ARHGAP44: variants seen among roughly 807,000 people sequenced by gnomAD.
The protein encoded by ARHGAP44 is Rho GTPase activating protein 44, also known as rho GTPase-activating protein 44.
ARHGAP44 carries 43 observed loss-of-function variants against 106.8 expected under a neutral mutation model. That is an observed-to-expected ratio of 0.40 (90% CI 0.32 to 0.52). ARHGAP44 has a LOEUF of 0.52. Among genes scored for constraint, ARHGAP44 ranks in the 20% least tolerant of loss-of-function variants. The probability of loss-of-function intolerance (pLI) is 0.48; values close to 1 mark genes in which losing one functional copy is unlikely to be tolerated. For synonymous variants in ARHGAP44, 439 were observed against 410.3 expected, an observed-to-expected ratio of 1.07 and a Z score of -0.85; for missense variants, 866 against 1,050.5, an observed-to-expected ratio of 0.82 and a Z score of 2.43.
At chr17:12,917,761 A>G (rs888007870) in intron 5 of ARHGAP44, among the ~76,000 whole-genome samples, 1 of 152,116 alleles carries the variant, frequency 6.6e-6, no homozygotes, top group Non-Finnish European at 1.5e-5. Context: ...CACTGCCCTT[A>G]AGTGGTTTTT....
intron 12 of ARHGAP44, among the ~76,000 whole-genome samples, chr17:12,950,164 T>C (rs2038958665): frequency 6.6e-6 from 1 of 152,114 alleles, no homozygotes; most frequent in Non-Finnish European, 1.5e-5. Context: ...CCTATATTTG[T>C]GTGTAAGTGT....
intron 1 of ARHGAP44, among the ~76,000 whole-genome samples, chr17:12,807,773 A>G (rs2034320726): frequency 6.6e-6 from 1 of 152,128 alleles, no homozygotes; most frequent in Non-Finnish European, 1.5e-5. Context: ...ATGTCCTCAC[A>G]TTTCAAAACC....
chr17:12,980,088 C>T lies in ARHGAP44; in HGVS notation c.1794C>T (p.Gly598=), dbSNP rs2039793251. 5 of 1,612,712 alleles carry T rather than the reference C, an allele frequency of 3.1e-6. No homozygotes were observed. Among genetic ancestry groups the T allele is most frequent in the Middle Eastern group, 1.7e-4 (1 of 6,058 alleles). The change falls in exon 19 of 21, where the codon GGC becomes GGT. Residue 598 remains glycine (G), a synonymous_variant. Coordinates refer to ENST00000379672, the MANE Select transcript of ARHGAP44 (RefSeq NM_014859.6). The part of the protein sequence containing the change: ...STTKSKELSP[G]SAQKGSPGSS... ...CAAAAAGCAAGGAACTTTCTCCAGG[C>T]TCTGCACAGAAAGGAAGTCCAGGCT...
At chr17:12,977,207 T>C (rs2039705629) in intron 18 of ARHGAP44, among the ~76,000 whole-genome samples, 1 of 152,148 alleles carries the variant, frequency 6.6e-6, no homozygotes, top group Non-Finnish European at 1.5e-5. Context: ...TAACTTTTCT[T>C]TGGATGTTAG....
intron 10 of ARHGAP44, among the ~76,000 whole-genome samples, chr17:12,945,319 C>T (rs1176037368): frequency 6.6e-6 from 1 of 152,176 alleles, no homozygotes; most frequent in South Asian, 2.1e-4. Flanking sequence ...CCAAGAAGTT[C>T]TTGATAAGTG....
At chr17:12,823,399 G>T (rs1418844051) in intron 1 of ARHGAP44, among the ~76,000 whole-genome samples, 1 of 152,082 alleles carries the variant, frequency 6.6e-6, no homozygotes, top group Non-Finnish European at 1.5e-5. Flanking sequence ...AACTTCTCCA[G>T]TCCTTTCTCT....
rs114137537 is a variant in ARHGAP44, at chr17:12,915,392, A to G, written c.276-508A>G. ...ATCTGGGAAGATGGCATGACTTTCT[A>G]CTCATTCAGGTCTTCTGTCGTTTGC... On this transcript the variant is annotated intron_variant, in intron 4 of 20. Transcript: ENST00000379672. Among the ~76,000 whole-genome samples the G allele has an allele frequency of 6.7e-3, 1,025 of 152,150 alleles. 15 individuals are homozygous for G. Among genetic ancestry groups the G allele is most frequent in the African/African-American group, 0.024 (988 of 41,480 alleles).
At chr17:12,937,892 G>A (rs1417692173) in intron 7 of ARHGAP44, among the ~76,000 whole-genome samples, 1 of 152,130 alleles carries the variant, frequency 6.6e-6, no homozygotes, top group Non-Finnish European at 1.5e-5. Flanking sequence ...CCTGAGGTCA[G>A]GAGTTTGAGA....
intron 5 of ARHGAP44, chr17:12,917,458 A>T (rs1484875092): frequency 6.6e-6 from 1 of 152,586 alleles, no homozygotes; most frequent in Non-Finnish European, 1.5e-5. Flanking sequence ...GATGAGGGGA[A>T]AAGGCATCTC....
chr17:12,977,472 C>G (rs1267162334), intron 18 of ARHGAP44, among the ~76,000 whole-genome samples: 1 of 152,138 alleles, frequency 6.6e-6, no homozygotes, highest in Non-Finnish European at 1.5e-5. Flanking sequence ...TTCCCTGGCT[C>G]TGTCCAGCCA....
intron 1 of ARHGAP44, among the ~76,000 whole-genome samples, chr17:12,802,535 G>T (rs1399631152): frequency 1.3e-5 from 2 of 152,092 alleles, no homozygotes; most frequent in African/African-American, 4.8e-5. Context: ...TCGATTGACA[G>T]TCTACAATGA....
intron 1 of ARHGAP44, among the ~76,000 whole-genome samples, chr17:12,834,333 C>T (rs2035175629): frequency 6.6e-6 from 1 of 152,108 alleles, no homozygotes; most frequent in Non-Finnish European, 1.5e-5. Context: ...TAAAAGTATA[C>T]ATTGGGTTTA....
intron 1 of ARHGAP44, among the ~76,000 whole-genome samples, chr17:12,802,594 C>T (rs182764899): frequency 8.3e-4 from 126 of 151,886 alleles, no homozygotes; most frequent in African/African-American, 2.5e-3. Flanking sequence ...ACTCTTGGCC[C>T]GAGGACAGGG....
intron 18 of ARHGAP44, among the ~76,000 whole-genome samples, chr17:12,975,423 A>G (rs2039651596): frequency 6.6e-6 from 1 of 152,054 alleles, no homozygotes; most frequent in Non-Finnish European, 1.5e-5. Flanking sequence ...TTGAATTGCC[A>G]TTATTTTAGG....
At chr17:12,793,169 C>G (rs1296849788) in intron 1 of ARHGAP44, among the ~76,000 whole-genome samples, 1 of 152,200 alleles carries the variant, frequency 6.6e-6, no homozygotes, top group Non-Finnish European at 1.5e-5. Context: ...AAGGATTGCA[C>G]TGTGGTAATG....
chr17:12,832,081 A>C (rs1403900138), intron 1 of ARHGAP44, among the ~76,000 whole-genome samples: 1 of 152,194 alleles, frequency 6.6e-6, no homozygotes, highest in East Asian at 1.9e-4. Flanking sequence ...CCAATTTACC[A>C]AGACAGGGGA....
intron 16 of ARHGAP44, among the ~76,000 whole-genome samples, chr17:12,968,012 C>T (rs2143274903): frequency 6.6e-6 from 1 of 152,298 alleles, no homozygotes; most frequent in South Asian, 2.1e-4. Flanking sequence ...TCATGGTAAG[C>T]ACCGACTTGA....
At chr17:12,815,554 G>GC (rs991998915) in intron 1 of ARHGAP44, among the ~76,000 whole-genome samples, 19 of 152,260 alleles carry the variant, frequency 1.2e-4, no homozygotes, top group Admixed American at 1.1e-3. Flanking sequence ...TGAAATTAGA[G>GC]CCCCCATGAC....
chr17:12,941,896 A>G (rs2038720048), intron 8 of ARHGAP44, among the ~76,000 whole-genome samples: 1 of 152,222 alleles, frequency 6.6e-6, no homozygotes, highest in African/African-American at 2.4e-5. Flanking sequence ...GTTGGGAATA[A>G]AAGGCTAAGA....
Sources: gnomAD v4.1 joint callset for allele counts (sites outside exome capture counted in the v4.1 genomes callset) on GRCh38, gnomAD v4.1.1 for gene constraint, MANE v1.5 for transcripts, NCBI Gene and HGNC (gene_info 2026-07-23, HGNC 2026-07-21) for gene names.